The following KLF8 variants were observed in gnomAD, a reference collection of about 807,000 sequenced individuals.
The protein encoded by KLF8 is Krueppel-like factor 8.
A neutral mutation model predicts 18.2 loss-of-function variants in KLF8; 10 were observed. The observed-to-expected ratio is 0.55, with a 90% CI of 0.34 to 0.93. KLF8 has a LOEUF of 0.93. Among genes scored for constraint, KLF8 ranks in the 40% least tolerant of loss-of-function variants. KLF8 has a pLI of 0.02. For missense variants in KLF8, 264 were observed against 277.9 expected, an observed-to-expected ratio of 0.95 and a Z score of 0.36; for synonymous variants, 109 against 97.3, an observed-to-expected ratio of 1.12 and a Z score of -0.71.
At chrX:56,072,061 A>G in the KLF8 span, among the ~76,000 whole-genome samples, 1 of 111,444 alleles carries the variant, frequency 9.0e-6, no homozygotes, top group South Asian at 3.8e-4. Flanking sequence ...GAGGGTTACT[A>G]CAGTTTTGGA....
Position 56,269,437 on chromosome X carries a change from A to G in KLF8, c.706A>G (p.Thr236Ala), listed in dbSNP as rs757569499. The change falls in exon 4 of 6, where the codon ACA becomes GCA. Residue 236 changes from threonine to alanine, a missense_variant. Thr to Ala is a moderately conservative substitution (Grantham distance 58). This residue lies in a region of KLF8 where 221 missense variants were observed against 193.6 expected (regional missense o/e 1.14). Coordinates refer to ENST00000468660, the MANE Select transcript of KLF8 (RefSeq NM_007250.5). ...AATTCCAAGTGACAGTGAGGAGAGT[A>G]CAATTGAGAGTGGATCCTCAGCCTT... Reference protein sequence around the residue: ...LEIPSDSEESTIESGSSALQS... With the variant: ...LEIPSDSEESAIESGSSALQS... The G allele has an allele frequency of 9.1e-6, 11 of 1,209,210 alleles. No individual in the cohort carries two copies. The highest frequency in any genetic ancestry group is 1.2e-5 in the Non-Finnish European group (11 of 894,420).
the KLF8 span, among the ~76,000 whole-genome samples, chrX:55,972,116 T>G: frequency 8.9e-6 from 1 of 111,743 alleles, no homozygotes; most frequent in African/African-American, 3.2e-5. Flanking sequence ...ATTATTTACA[T>G]TAGCCAAGAT....
At chrX:55,964,354 T>A in the KLF8 span, among the ~76,000 whole-genome samples, 4 of 112,091 alleles carry the variant, frequency 3.6e-5, no homozygotes, top group African/African-American at 1.3e-4. Flanking sequence ...GACAGGTGGA[T>A]CACTTGAGCC....
chrX:56,135,119 C>G, the KLF8 span, among the ~76,000 whole-genome samples: 2 of 111,469 alleles, frequency 1.8e-5, no homozygotes, highest in Non-Finnish European at 3.8e-5. Context: ...GAAACTAGTT[C>G]AACCATTGTG....
chrX:56,207,177 G>A, the KLF8 span, among the ~76,000 whole-genome samples: 1 of 112,507 alleles, frequency 8.9e-6, no homozygotes, highest in Non-Finnish European at 1.9e-5. Context: ...TGTGATGGGA[G>A]GGGCTGCTGT....
chrX:56,223,552 A>G, the KLF8 span, among the ~76,000 whole-genome samples: 1 of 112,593 alleles, frequency 8.9e-6, no homozygotes, highest in Non-Finnish European at 1.9e-5. Context: ...AATTTAGCAA[A>G]TATTTATTGA....
chrX:56,121,549 C>A, the KLF8 span, among the ~76,000 whole-genome samples: 1 of 112,054 alleles, frequency 8.9e-6, no homozygotes, highest in African/African-American at 3.2e-5. Context: ...AATTCTTTTC[C>A]CAAAGACAGA....
At chrX:56,018,020 T>A in the KLF8 span, among the ~76,000 whole-genome samples, 1 of 112,182 alleles carries the variant, frequency 8.9e-6, no homozygotes, top group Non-Finnish European at 1.9e-5. Flanking sequence ...CAAGCACTTA[T>A]CATTTATTTG....
At chrX:56,031,729 G>A in the KLF8 span, among the ~76,000 whole-genome samples, 1 of 111,425 alleles carries the variant, frequency 9.0e-6, no homozygotes, top group Non-Finnish European at 1.9e-5. Context: ...GTAGCAGGAC[G>A]AGCTGCGGAC....
chrX:56,068,448 C>A, the KLF8 span, among the ~76,000 whole-genome samples: 1 of 111,545 alleles, frequency 9.0e-6, no homozygotes, highest in Non-Finnish European at 1.9e-5. Flanking sequence ...AGGTGAGCAA[C>A]ACTTCCTAGA....
Position 56,233,140 on chromosome X carries a change from C to T in KLF8, c.-195C>T. The T allele has an allele frequency of 2.1e-6, 1 of 482,196 alleles. No individual in the cohort carries two copies. Among genetic ancestry groups the T allele is most frequent in the Non-Finnish European group, 3.6e-6 (1 of 275,048 alleles). The allele number at this position is 482,196 out of a possible 1,213,427, so 39.7% of individuals were successfully genotyped here. A position where few individuals can be genotyped will look rare whatever the true frequency, so the allele number is the denominator to read the frequency against. ...TGAATCGACTCCCTCCCCTTTCGAC[C>T]CCCTCCTCATTTTCCAGCCCGGAGA... On this transcript the variant is annotated 5_prime_UTR_variant, in exon 1 of 6. Coordinates refer to ENST00000468660, the MANE Select transcript of KLF8 (RefSeq NM_007250.5).
At chrX:56,060,315 G>A in the KLF8 span, among the ~76,000 whole-genome samples, 8 of 111,814 alleles carry the variant, frequency 7.2e-5, no homozygotes, top group South Asian at 3.0e-3. Flanking sequence ...GATATGGACT[G>A]TAGGTTTGTT....
At chrX:55,963,756 T>C in the KLF8 span, among the ~76,000 whole-genome samples, 1 of 111,674 alleles carries the variant, frequency 9.0e-6, no homozygotes, top group Non-Finnish European at 1.9e-5. Flanking sequence ...GTAAACTGGA[T>C]ACCTGTTCAA....
intron 5 of KLF8, among the ~76,000 whole-genome samples, chrX:56,280,865 C>A (rs1210806680): frequency 1.8e-5 from 2 of 112,037 alleles, no homozygotes; most frequent in African/African-American, 6.5e-5. Flanking sequence ...ATTCCTTCAT[C>A]AATTCAATGA....
At chrX:55,996,255 CTTGTA>C in the KLF8 span, among the ~76,000 whole-genome samples, 1 of 111,113 alleles carries the variant, frequency 9.0e-6, no homozygotes, top group Non-Finnish European at 1.9e-5. Flanking sequence ...TTTTTCAGCT[CTTGTA>C]TTGTTTTACT....
chrX:55,962,747 G>T, the KLF8 span, among the ~76,000 whole-genome samples: 1 of 112,458 alleles, frequency 8.9e-6, no homozygotes, highest in South Asian at 3.7e-4. Context: ...TTTTCTCAAA[G>T]AGTTTATACA....
the KLF8 span, among the ~76,000 whole-genome samples, chrX:56,187,417 A>G: frequency 9.0e-6 from 1 of 111,684 alleles, no homozygotes; most frequent in Non-Finnish European, 1.9e-5. Context: ...CGACCAGATG[A>G]ATTCACAGCG....
At chrX:56,141,498 A>C in the KLF8 span, among the ~76,000 whole-genome samples, 10 of 111,280 alleles carry the variant, frequency 9.0e-5, no homozygotes, top group Non-Finnish European at 1.9e-5. Context: ...TATTTTTTCT[A>C]ATTAATTTTA....
the KLF8 span, among the ~76,000 whole-genome samples, chrX:56,173,331 T>A: frequency 8.9e-6 from 1 of 112,146 alleles, no homozygotes; most frequent in Non-Finnish European, 1.9e-5. Context: ...TAGCCAGTTT[T>A]CCCAGCACCT....
Sources: allele counts gnomAD v4.1 joint callset (sites outside exome capture counted in the v4.1 genomes callset), GRCh38; gene constraint gnomAD v4.1.1; regional missense constraint gnomAD v4.1.1; transcripts MANE v1.5; gene names NCBI Gene and HGNC (gene_info 2026-07-23, HGNC 2026-07-21).